The following ABLIM2 variants were observed in gnomAD, a reference collection of about 807,000 sequenced individuals.
ABLIM2 encodes actin-binding LIM protein 2.
In ABLIM2, 53 loss-of-function variants were observed where a neutral mutation model predicts 97.7. That is an observed-to-expected ratio of 0.54 (90% CI 0.44 to 0.68). The LOEUF (loss-of-function observed/expected upper bound fraction) is 0.68, where lower values mean the gene tolerates loss of function less well. Among genes scored for constraint, ABLIM2 ranks in the 30% least tolerant of loss-of-function variants. The pLI is 0.00. For synonymous variants in ABLIM2, 361 were observed against 345.8 expected (o/e 1.04, Z -0.49); for missense variants, 835 against 867.2 (o/e 0.96, Z 0.47).
At position 7,996,033 on chromosome 4, in the gene ABLIM2, C is replaced by T. The variant is rs1034513759; in HGVS notation, c.1619-3106G>A. ...GGGGTCCTCCAGGAGACACCTTCCT[C>T]CTCCTTCATGCCCAGAGCCAGGCAT... On this transcript the variant is annotated intron_variant, in intron 16 of 20. Transcript: ENST00000447017. The surrounding 1 kb of genome is among the most constrained non-coding windows in gnomAD (Gnocchi z 4.5). Among the ~76,000 whole-genome samples, 8 of 152,190 alleles carry T rather than the reference C, an allele frequency of 5.3e-5. No individual in the cohort carries two copies. Among genetic ancestry groups the T allele is most frequent in the Non-Finnish European group, 1.2e-4 (8 of 68,016 alleles).
chr4:8,121,409 C>A (rs1163131544), intron 1 of ABLIM2, among the ~76,000 whole-genome samples: 2 of 152,254 alleles, frequency 1.3e-5, no homozygotes, highest in Non-Finnish European at 2.9e-5. Flanking sequence ...CACCCACATT[C>A]CTGGAGGGTG....
intron 5 of ABLIM2, among the ~76,000 whole-genome samples, chr4:8,078,554 T>A (rs184452885): frequency 2.6e-5 from 4 of 152,296 alleles, no homozygotes; most frequent in Admixed American, 2.6e-4. Flanking sequence ...GAGATCAACA[T>A]GCCAAGATGG....
Position 8,123,999 on chromosome 4 carries a change from C to A in ABLIM2, c.11-17362G>T, listed in dbSNP as rs1021182921. 2.0e-5 allele frequency among the ~76,000 whole-genome samples: 3 copies of A among 152,156 alleles called. No homozygotes were observed. The highest frequency in any genetic ancestry group is 1.9e-4 in the East Asian group (1 of 5,200). ...TCAAAGATGAAGGAAAATTTAAAAT[C>A]CCCTGCTTCCCTTTTACTGAGACGA... On this transcript the variant is annotated intron_variant, in intron 1 of 20. Coordinates refer to ENST00000447017, the MANE Select transcript of ABLIM2 (RefSeq NM_001130083.2). The surrounding 1 kb of genome is among the most constrained non-coding windows in gnomAD (Gnocchi z 6.2).
chr4:7,984,322 G>A (rs1741558168), intron 18 of ABLIM2, among the ~76,000 whole-genome samples: 1 of 152,186 alleles, frequency 6.6e-6, no homozygotes, highest in African/African-American at 2.4e-5. Context: ...GTCCAGCAGA[G>A]CAAGGCTCCC....
chr4:8,056,654 C>T (rs938690766), intron 7 of ABLIM2, among the ~76,000 whole-genome samples: 10 of 151,250 alleles, frequency 6.6e-5, no homozygotes, highest in East Asian at 4.0e-4. Flanking sequence ...TTGAACAGGC[C>T]GGGTGCTGTG....
In ABLIM2 at chr4:8,045,859, C is replaced by T. The variant is rs139564272; in HGVS notation, c.823-618G>A. On this transcript the variant is annotated intron_variant, in intron 8 of 20. Coordinates refer to ENST00000447017, the MANE Select transcript of ABLIM2 (RefSeq NM_001130083.2). ...ATTTTCCACCGGGATTATGGGGACT[C>T]GCTGCAGCTTAGTCCACTGGCCCAG... Among the ~76,000 whole-genome samples the T allele has an allele frequency of 1.4e-4, 21 of 152,220 alleles. No homozygotes were observed. The East Asian group carries it at 3.3e-3, about 24-fold the overall frequency.
At chr4:7,993,008 C>G in intron 16 of ABLIM2, 81 bp from the exon 17 acceptor site, 1 of 1,486,560 alleles carries the variant, frequency 6.7e-7, no homozygotes, top group South Asian at 1.2e-5. Context: ...GGGCTTCCCA[C>G]CGGGGTGGGC....
chr4:8,019,517 A>T lies in ABLIM2; in HGVS notation c.1423+101T>A. ...TGCTAAGGGCCTTGGTGGTGCCTTC[A>T]CTGCATTTATCAGAACACAACAAAA... On this transcript the variant is annotated intron_variant, in intron 14 of 20. Transcript: ENST00000447017. This position sits in a 1 kb window ranked among gnomAD's most constrained non-coding sequence, Gnocchi z 4.3. The T allele has an allele frequency of 8.3e-7, 1 of 1,201,978 alleles. No homozygotes were observed. Among genetic ancestry groups the T allele is most frequent in the Non-Finnish European group, 1.2e-6 (1 of 847,428 alleles). The allele number at this position is 1,201,978 out of a possible 1,614,324, so 74.5% of individuals were successfully genotyped here.
rs533699612 is a variant in ABLIM2, at chr4:8,144,050, C to A, written c.10+14630G>T. Among the ~76,000 whole-genome samples, 194 of 152,284 alleles carry A rather than the reference C, an allele frequency of 1.3e-3. 1 individual carries two copies. The highest frequency in any genetic ancestry group is 4.4e-3 in the African/African-American group (181 of 41,564). Reference sequence around the variant, plus strand: ...CCCTTGGGGACTTCCCAGGTCAATGCCAAGGAGGGGCCGGCTGTAGCCTGA... The same window carrying A: ...CCCTTGGGGACTTCCCAGGTCAATGACAAGGAGGGGCCGGCTGTAGCCTGA... On this transcript the variant is annotated intron_variant, in intron 1 of 20. Transcript: ENST00000447017.
At chr4:8,114,166 G>T (rs1041688477) in intron 1 of ABLIM2, among the ~76,000 whole-genome samples, 2 of 152,216 alleles carry the variant, frequency 1.3e-5, no homozygotes, top group African/African-American at 4.8e-5. Context: ...CGAGGGATTT[G>T]TCTCCCTAGG....
chr4:7,985,442 C>T (rs996564490), intron 17 of ABLIM2, among the ~76,000 whole-genome samples: 2 of 152,096 alleles, frequency 1.3e-5, no homozygotes, highest in African/African-American at 2.4e-5. Context: ...GACTGGCTGC[C>T]GTCTTCTGGC....
At chr4:8,139,033 A>G (rs566323075) in intron 1 of ABLIM2, among the ~76,000 whole-genome samples, 3 of 152,190 alleles carry the variant, frequency 2.0e-5, no homozygotes, top group Non-Finnish European at 4.4e-5. Context: ...GCCGTCTCTA[A>G]TAAAAATACA....
At chr4:8,117,013 C>T (rs1843075661) in intron 1 of ABLIM2, among the ~76,000 whole-genome samples, 2 of 152,222 alleles carry the variant, frequency 1.3e-5, no homozygotes, top group African/African-American at 4.8e-5. Context: ...GTCTCCTCAC[C>T]ATCTCTGCAC....
rs1393231414 is a variant in ABLIM2, at chr4:7,996,197, TG to T, written c.1619-3271del. ...GGAACTCGTCAGAAATGCAAATTAGTGGGCCCTACCCTAGACCTCCTGTGTC... is the reference window on the plus strand; with the variant it reads ...GGAACTCGTCAGAAATGCAAATTAGTGGCCCTACCCTAGACCTCCTGTGTC... On this transcript the variant is annotated intron_variant, in intron 16 of 20. Coordinates refer to ENST00000447017, the MANE Select transcript of ABLIM2 (RefSeq NM_001130083.2). This position sits in a 1 kb window ranked among gnomAD's most constrained non-coding sequence, Gnocchi z 4.5. Among the ~76,000 whole-genome samples, 1 of 152,166 alleles carries T rather than the reference TG, an allele frequency of 6.6e-6. No individual in the cohort carries two copies. The highest frequency in any genetic ancestry group is 1.5e-5 in the Non-Finnish European group (1 of 68,014).
intron 20 of ABLIM2, among the ~76,000 whole-genome samples, chr4:7,968,092 C>T (rs1312863921): frequency 6.6e-6 from 1 of 152,254 alleles, no homozygotes; most frequent in Admixed American, 6.5e-5. Flanking sequence ...GAGCCTGGGA[C>T]TTTCCATCCA....
chr4:8,133,060 G>T (rs1849652169), intron 1 of ABLIM2, among the ~76,000 whole-genome samples: 1 of 152,120 alleles, frequency 6.6e-6, no homozygotes, highest in Admixed American at 6.5e-5. Flanking sequence ...GACCTTCCTG[G>T]CCTCTTCCCG....
rs1024252645 is a variant in ABLIM2, at chr4:7,992,753, C to T, written c.1680+113G>A. On this transcript the variant is annotated intron_variant, in intron 17 of 20. Coordinates refer to ENST00000447017, the MANE Select transcript of ABLIM2 (RefSeq NM_001130083.2). This position sits in a 1 kb window ranked among gnomAD's most constrained non-coding sequence, Gnocchi z 5.7. ...GGGCATCAGGCAGAGGCAGGTGGGC[C>T]GCGGGGTCCCCGGGGCCTCTCCTCC... 7.4e-5 allele frequency: 89 copies of T among 1,206,232 alleles called. No homozygotes were observed. The highest frequency in any genetic ancestry group is 2.7e-4 in the Middle Eastern group (1 of 3,698). 74.7% of individuals were successfully genotyped at this position (1,206,232 alleles called of 1,614,324 possible). A position where few individuals can be genotyped will look rare whatever the true frequency, so the allele number is the denominator to read the frequency against.
chr4:7,986,747 A>C lies in ABLIM2; in HGVS notation c.1681-1854T>G, dbSNP rs1313483850. Among the ~76,000 whole-genome samples, 1 of 152,004 alleles carries C rather than the reference A, an allele frequency of 6.6e-6. No individual in the cohort carries two copies. Among genetic ancestry groups the C allele is most frequent in the Admixed American group, 6.6e-5 (1 of 15,256 alleles). On this transcript the variant is annotated intron_variant, in intron 17 of 20. Coordinates refer to ENST00000447017, the MANE Select transcript of ABLIM2 (RefSeq NM_001130083.2). The surrounding 1 kb of genome is among the most constrained non-coding windows in gnomAD (Gnocchi z 4.3). ...GAGTGCAATGGCGTGATCTCGGCTC[A>C]ATGCAAACTCCACCTCCCGGGTTCA...
intron 1 of ABLIM2, among the ~76,000 whole-genome samples, chr4:8,116,474 C>T (rs752138698): frequency 6.6e-5 from 10 of 152,152 alleles, no homozygotes; most frequent in Admixed American, 1.3e-4. Flanking sequence ...TCTCTAAATC[C>T]GTGGGTTTCC....
Sources: gnomAD v4.1 joint callset for allele counts (sites outside exome capture counted in the v4.1 genomes callset) on GRCh38, gnomAD v4.1.1 for gene constraint, Gnocchi (gnomAD v3.1) non-coding constraint, MANE v1.5 for transcripts, NCBI Gene and HGNC (gene_info 2026-07-23, HGNC 2026-07-21) for gene names.